The following DYNC2I2 variants were observed in gnomAD, a reference collection of about 807,000 sequenced individuals.
DYNC2I2 encodes the protein cytoplasmic dynein 2 intermediate chain 2.
Under a neutral mutation model 52.0 loss-of-function variants are expected in DYNC2I2, and 39 were observed. That is an observed-to-expected ratio of 0.75 (90% CI 0.58 to 0.98). The LOEUF is 0.98. Ranked by LOEUF, DYNC2I2 falls within the 50% of genes least tolerant of loss-of-function variation. DYNC2I2 has a pLI of 0.00. For missense variants in DYNC2I2, 743 were observed against 728.4 expected, an observed-to-expected ratio of 1.02 and a Z score of -0.23; for synonymous variants, 359 against 321.1, an observed-to-expected ratio of 1.12 and a Z score of -1.26.
intron 1 of DYNC2I2, among the ~76,000 whole-genome samples, chr9:128,647,229 C>G (rs73669962): frequency 7.7e-4 from 117 of 152,330 alleles, no homozygotes; most frequent in Non-Finnish European, 8.2e-4. Context: ...ATACCTAAGT[C>G]AGAGATCCCT....
At chr9:128,646,050 T>G (rs1376231778) in intron 1 of DYNC2I2, among the ~76,000 whole-genome samples, 1 of 152,058 alleles carries the variant, frequency 6.6e-6, no homozygotes, top group Non-Finnish European at 1.5e-5. Context: ...CCAGCAGAGG[T>G]TGGCTCATGA....
chr9:128,668,086 G>A, the DYNC2I2 span, among the ~76,000 whole-genome samples: 3 of 150,356 alleles, frequency 2.0e-5, no homozygotes, highest in East Asian at 2.0e-4. Context: ...TCAGCCTCCC[G>A]AGTAGCTGGG....
chr9:128,677,901 T>C, the DYNC2I2 span, among the ~76,000 whole-genome samples: 2 of 152,100 alleles, frequency 1.3e-5, no homozygotes, highest in African/African-American at 4.8e-5. Flanking sequence ...GTCCTTTCTC[T>C]GGGGACAGCC....
chr9:128,635,485 C>T lies in DYNC2I2; in HGVS notation c.813+173G>A, dbSNP rs896564624. On this transcript the variant is annotated intron_variant, in intron 5 of 8. Coordinates refer to ENST00000372715, the MANE Select transcript of DYNC2I2 (RefSeq NM_052844.4). Reference sequence around the variant, plus strand: ...TGCCTGCAGAGGAGGCTGGGAATGGCCACAGGGCCCTGGGAGTGGCTCCTG... The same window carrying T: ...TGCCTGCAGAGGAGGCTGGGAATGGTCACAGGGCCCTGGGAGTGGCTCCTG... 3 of 790,626 alleles carry T rather than the reference C, an allele frequency of 3.8e-6. No individual in the cohort carries two copies. The African/African-American group carries it at 5.2e-5, about 14-fold the overall frequency. The allele number at this position is 790,626 out of a possible 1,614,324, so 49.0% of individuals were successfully genotyped here. A position where few individuals can be genotyped will look rare whatever the true frequency, so the allele number is the denominator to read the frequency against.
At chr9:128,653,960 G>A (rs1275134094) in intron 1 of DYNC2I2, among the ~76,000 whole-genome samples, 3 of 152,080 alleles carry the variant, frequency 2.0e-5, no homozygotes, top group Non-Finnish European at 2.9e-5. Flanking sequence ...GCAGCGAGCC[G>A]AGATTGCGCC....
At position 128,634,319 on chromosome 9, in the gene DYNC2I2, G is replaced by C. The variant is rs1219603679; in HGVS notation, c.1279C>G (p.Pro427Ala). The change falls in exon 8 of 9, where the codon CCC becomes GCC. Residue 427 changes from proline to alanine, a missense_variant. Transcript: ENST00000372715. ...VHLYSMLQAP[P>A]LTSLQLSLKY... ...AGGGAGAGCTGCAGCGAAGTCAAGG[G>C]AGGGGCCTGCAGCATGGAGTACAGG... The C allele has an allele frequency of 5.0e-6, 8 of 1,613,408 alleles. No individual in the cohort carries two copies. The highest frequency in any genetic ancestry group is 1.7e-4 in the Middle Eastern group (1 of 6,052).
the DYNC2I2 span, among the ~76,000 whole-genome samples, chr9:128,678,769 C>T: frequency 2.7e-5 from 4 of 148,774 alleles, no homozygotes; most frequent in African/African-American, 7.4e-5. Context: ...GCCAGGTAAT[C>T]TTATAATAAA....
upstream of DYNC2I2, among the ~76,000 whole-genome samples, chr9:128,659,579 A>G (rs1165322240): frequency 6.6e-6 from 1 of 151,594 alleles, no homozygotes; most frequent in African/African-American, 2.4e-5. Context: ...CAGCCTGGGA[A>G]ACATAGGGAC....
Position 128,656,744 on chromosome 9 carries a change from C to T in DYNC2I2, c.-18G>A. 7.4e-7 allele frequency: 1 copy of T among 1,354,954 alleles called. No individual in the cohort carries two copies. The highest frequency in any genetic ancestry group is 9.5e-7 in the Non-Finnish European group (1 of 1,054,064). 83.9% of individuals were successfully genotyped at this position (1,354,954 alleles called of 1,614,324 possible). A position where few individuals can be genotyped will look rare whatever the true frequency, so the allele number is the denominator to read the frequency against. ...GTTGCCATGGAGACGGTTCCGCCCT[C>T]TCGTGCGGACGCACTCAGGCGCGAC... On this transcript the variant is annotated 5_prime_UTR_variant, in exon 1 of 9. Coordinates refer to ENST00000372715, the MANE Select transcript of DYNC2I2 (RefSeq NM_052844.4).
At chr9:128,684,105 A>C in the DYNC2I2 span, 1 of 940,466 alleles carries the variant, frequency 1.1e-6, no homozygotes, top group Non-Finnish European at 1.6e-6. Context: ...TGTGACCCCT[A>C]AGCACCCCCA....
chr9:128,662,503 G>C, the DYNC2I2 span, among the ~76,000 whole-genome samples: 4 of 151,622 alleles, frequency 2.6e-5, no homozygotes, highest in Admixed American at 2.6e-4. Context: ...CCTACTTCCT[G>C]GGTTCAAGCA....
At chr9:128,681,426 T>C in the DYNC2I2 span, among the ~76,000 whole-genome samples, 3 of 152,204 alleles carry the variant, frequency 2.0e-5, no homozygotes, top group Non-Finnish European at 4.4e-5. Context: ...TTCCTTTCCT[T>C]GAATATCTCA....
chr9:128,658,742 T>TTTTA (rs1860884487), upstream of DYNC2I2, among the ~76,000 whole-genome samples: 1 of 148,944 alleles, frequency 6.7e-6, no homozygotes, highest in Admixed American at 6.7e-5. Context: ...TTTTTTTTTT[T>TTTTA]TTGAGACAGG....
chr9:128,653,496 C>T (rs10119280), intron 1 of DYNC2I2, among the ~76,000 whole-genome samples: 7,930 of 150,096 alleles, frequency 0.053, 353 homozygotes, highest in East Asian at 0.13. Flanking sequence ...AGGCGGATCA[C>T]GAGGTCAGGA....
the DYNC2I2 span, among the ~76,000 whole-genome samples, chr9:128,679,932 A>G: frequency 6.6e-6 from 1 of 152,188 alleles, no homozygotes; most frequent in Admixed American, 6.5e-5. Flanking sequence ...AGCAATCCCC[A>G]TCCAGAAACT....
the DYNC2I2 span, among the ~76,000 whole-genome samples, chr9:128,677,742 A>C: frequency 6.6e-6 from 1 of 151,972 alleles, no homozygotes; most frequent in Non-Finnish European, 1.5e-5. Context: ...AGGAGGCAGA[A>C]GGTTGCAGTG....
rs532431048 is a variant in DYNC2I2 at position 128,655,554 on chromosome 9, A to T, written c.186+987T>A. ...AAAGAAACCAAGTAGCGCCGAAACCAAGTAGCTGGCACTACTACACTCCAG... is the reference window on the plus strand; with the variant it reads ...AAAGAAACCAAGTAGCGCCGAAACCTAGTAGCTGGCACTACTACACTCCAG... On this transcript the variant is annotated intron_variant, in intron 1 of 8. Transcript: ENST00000372715. Among the ~76,000 whole-genome samples the T allele has an allele frequency of 2.3e-3, 349 of 149,152 alleles. 2 individuals carry two copies. Among genetic ancestry groups the T allele is most frequent in the African/African-American group, 8.2e-3 (332 of 40,688 alleles).
At chr9:128,675,047 C>A in the DYNC2I2 span, among the ~76,000 whole-genome samples, 1 of 152,056 alleles carries the variant, frequency 6.6e-6, no homozygotes, top group African/African-American at 2.4e-5. Context: ...CCTTCCTGAG[C>A]GGTCTGTTTT....
chr9:128,655,965 T>C (rs989208103), intron 1 of DYNC2I2, among the ~76,000 whole-genome samples: 4 of 148,012 alleles, frequency 2.7e-5, no homozygotes, highest in African/African-American at 7.5e-5. Context: ...CCCAGCACTT[T>C]GGGAGGCCGA....
Sources: gnomAD v4.1 joint callset for allele counts (sites outside exome capture counted in the v4.1 genomes callset) on GRCh38, gnomAD v4.1.1 for gene constraint, MANE v1.5 for transcripts, NCBI Gene and HGNC (gene_info 2026-07-23, HGNC 2026-07-21) for gene names.